Variants in MTR observed in about 807,000 individuals in gnomAD.
The protein encoded by MTR is methionine synthase.
A neutral mutation model predicts 154.8 loss-of-function variants in MTR; 84 were observed. The ratio of observed to expected loss-of-function variants is 0.54; its 90% CI spans 0.45 to 0.65. MTR has a LOEUF of 0.65. Among genes scored for constraint, MTR ranks in the 30% least tolerant of loss-of-function variants. The probability of loss-of-function intolerance (pLI) is 0.00; values close to 1 mark genes in which losing one functional copy is unlikely to be tolerated. For missense variants in MTR, 1,275 were observed against 1,570.2 expected (o/e 0.81, Z 3.18); for synonymous variants, 554 against 553.9 (o/e 1.00, Z 0.00).
intron 8 of MTR, among the ~76,000 whole-genome samples, chr1:236,817,775 G>A (rs1052639915): frequency 6.6e-6 from 1 of 152,066 alleles, no homozygotes; most frequent in Non-Finnish European, 1.5e-5. Flanking sequence ...ATGTCATATT[G>A]TGATTTCTTA....
At chr1:236,843,086 CAAAA>C (rs563953592) in intron 15 of MTR, among the ~76,000 whole-genome samples, 5 of 74,554 alleles carry the variant, frequency 6.7e-5, no homozygotes, top group African/African-American at 1.8e-4. Flanking sequence ...ACTCTGTCTC[CAAAA>C]AAAAAAAAAA....
At chr1:236,831,139 G>C (rs940985352) in intron 12 of MTR, among the ~76,000 whole-genome samples, 1 of 152,168 alleles carries the variant, frequency 6.6e-6, no homozygotes, top group Non-Finnish European at 1.5e-5. Flanking sequence ...ACCCAAGGCC[G>C]TCTGTACCCA....
Position 236,903,285 on chromosome 1 carries a change from T to C in MTR, c.*5641T>C. 6.6e-6 allele frequency: 1 copy of C among 152,352 alleles called. No individual in the cohort carries two copies. Among genetic ancestry groups the C allele is most frequent in the East Asian group, 1.9e-4 (1 of 5,190 alleles). 9.4% of individuals were successfully genotyped at this position (152,352 alleles called of 1,614,324 possible). ...TCAAATTTTTACAAGTGTATGTTAT[T>C]GTACTTTTAAAAAGATTAGCTTGGC... On this transcript the variant is annotated 3_prime_UTR_variant, in exon 33 of 33. Coordinates refer to ENST00000366577, the MANE Select transcript of MTR (RefSeq NM_000254.3).
At position 236,818,889 on chromosome 1, in the gene MTR, A is replaced by G. The variant is rs149159753; in HGVS notation, c.764+2346A>G. On this transcript the variant is annotated intron_variant, in intron 8 of 32. Coordinates refer to ENST00000366577, the MANE Select transcript of MTR (RefSeq NM_000254.3). ...ATTAAAATATAAAATACACAGTGCT[A>G]TACAGAACTATGAATAAAAATCTGG... is the stretch of plus-strand genomic sequence containing the variant. Among the ~76,000 whole-genome samples the G allele has an allele frequency of 5.7e-3, 864 of 152,376 alleles. 11 individuals are homozygous for G. The highest frequency in any genetic ancestry group is 0.019 in the African/African-American group (810 of 41,586).
intron 15 of MTR, 90 bp downstream of exon 15, chr1:236,838,689 C>A: frequency 7.7e-7 from 1 of 1,292,742 alleles, no homozygotes; most frequent in Non-Finnish European, 1.1e-6. Context: ...TACATATATA[C>A]ATACACATAT....
chr1:236,838,405 T>C lies in MTR; in HGVS notation c.1330-9T>C. On this transcript the variant is annotated splice_polypyrimidine_tract_variant and intron_variant, in intron 14 of 32. Coordinates refer to ENST00000366577, the MANE Select transcript of MTR (RefSeq NM_000254.3). ...CCTCTGTGTGATTTTCTTGCCTTTC[T>C]GATCTCAGGTACCTTTGTGCATCGA... 6.2e-7 allele frequency: 1 copy of C among 1,614,146 alleles called. No homozygotes were observed. Among genetic ancestry groups the C allele is most frequent in the Non-Finnish European group, 8.5e-7 (1 of 1,179,978 alleles).
chr1:236,890,842 GA>G (rs1666278017), intron 28 of MTR, among the ~76,000 whole-genome samples: 1 of 152,220 alleles, frequency 6.6e-6, no homozygotes, highest in Non-Finnish European at 1.5e-5. Context: ...CTCTCTGACA[GA>G]ATGCTTTGGG....
At position 236,795,677 on chromosome 1, in the gene MTR, C is replaced by T. The variant is rs753821234; in HGVS notation, c.-27C>T. ...GAGAGCACGTCTTCTCTGCCGCGCC[C>T]TCTGCGCAAGGAGGAGACTCGACAA... is the stretch of plus-strand genomic sequence containing the variant. On this transcript the variant is annotated 5_prime_UTR_variant, in exon 1 of 33. Transcript: ENST00000366577. The T allele has an allele frequency of 5.0e-6, 8 of 1,613,918 alleles. No individual in the cohort carries two copies. In the South Asian group the frequency reaches 8.8e-5, roughly 18 times the overall value.
chr1:236,818,530 A>C (rs1398343486), intron 8 of MTR, among the ~76,000 whole-genome samples: 1 of 152,216 alleles, frequency 6.6e-6, no homozygotes, highest in African/African-American at 2.4e-5. Context: ...TGATCCACTC[A>C]GTGGTTAATT....
intron 23 of MTR, 119 bp from the exon 24 acceptor site, chr1:236,874,607 T>G: frequency 9.3e-6 from 7 of 755,592 alleles, no homozygotes; most frequent in East Asian, 2.9e-5. Flanking sequence ...TGGGAATTCA[T>G]GTTAGGTCTT....
At chr1:236,866,042 A>G (rs1333701957) in intron 22 of MTR, among the ~76,000 whole-genome samples, 1 of 151,840 alleles carries the variant, frequency 6.6e-6, no homozygotes, top group Non-Finnish European at 1.5e-5. Flanking sequence ...ACTTTACAAT[A>G]TTTTTTTTGA....
In MTR at chr1:236,823,741, T is replaced by C. The variant is rs184115794; in HGVS notation, c.765-378T>C. ...GCTTCTTGCCACCATTCTGTGTTCT[T>C]TCTGCCTCCAAGATTTCCTTTTCCT... is the stretch of plus-strand genomic sequence containing the variant. On this transcript the variant is annotated intron_variant, in intron 8 of 32. Coordinates refer to ENST00000366577, the MANE Select transcript of MTR (RefSeq NM_000254.3). Among the ~76,000 whole-genome samples, 570 of 149,670 alleles carry C rather than the reference T, an allele frequency of 3.8e-3. 3 individuals carry two copies. The highest frequency in any genetic ancestry group is 7.1e-3 in the Non-Finnish European group (476 of 67,448).
In MTR at chr1:236,795,674, G is replaced by A. The variant is rs1318292322; in HGVS notation, c.-30G>A. On this transcript the variant is annotated 5_prime_UTR_variant, in exon 1 of 33. Transcript: ENST00000366577. ...GTGGAGAGCACGTCTTCTCTGCCGC[G>A]CCCTCTGCGCAAGGAGGAGACTCGA... 5.0e-6 allele frequency: 8 copies of A among 1,613,634 alleles called. No homozygotes were observed. In the Admixed American group the frequency reaches 6.7e-5, roughly 13 times the overall value.
Position 236,803,460 on chromosome 1 carries a change from A to G in MTR, c.67A>G (p.Asn23Asp), listed in dbSNP as rs752855469. ...GLKKTLRDEI[N>D]AILQKRIMVL... ...GAAGAAAACCCTGCGGGATGAGATC[A>G]ATGCCATTCTGCAGAAGAGGATTAT... The change falls in exon 2 of 33, where the codon AAT (asparagine) becomes GAT (aspartate). Residue 23 changes from asparagine (N) to aspartate (D), a missense_variant. Physicochemically the swap from Asn to Asp is conservative, Grantham distance 23. Transcript: ENST00000366577. 1.9e-6 allele frequency: 3 copies of G among 1,614,178 alleles called. No individual in the cohort carries two copies. Among genetic ancestry groups the G allele is most frequent in the Admixed American group, 1.7e-5 (1 of 60,008 alleles).
At chr1:236,808,529 T>C (rs1661116640) in intron 3 of MTR, among the ~76,000 whole-genome samples, 175 bp from the exon 4 acceptor site, 1 of 152,270 alleles carries the variant, frequency 6.6e-6, no homozygotes, top group South Asian at 2.1e-4. Flanking sequence ...CTTTCCTTGC[T>C]GCCTTTCAAG....
chr1:236,812,180 A>G (rs1488508488), intron 5 of MTR, among the ~76,000 whole-genome samples: 1 of 152,242 alleles, frequency 6.6e-6, no homozygotes, highest in Non-Finnish European at 1.5e-5. Flanking sequence ...GGCCAACCCA[A>G]GACATTTCTA....
At chr1:236,844,453 CGTGTGTGTGT>C (rs58179715) in intron 15 of MTR, among the ~76,000 whole-genome samples, 2,916 of 145,422 alleles carry the variant, frequency 0.02, 43 homozygotes, top group South Asian at 0.039. Flanking sequence ...TCAGAAAGGG[CGTGTGTGTGT>C]GTGTGTGTGT....
At chr1:236,890,213 CGTG>C (rs1666240922) in intron 28 of MTR, among the ~76,000 whole-genome samples, 1 of 152,096 alleles carries the variant, frequency 6.6e-6, no homozygotes, top group African/African-American at 2.4e-5. Context: ...TAGTCAGGAA[CGTG>C]GTGATGAGCA....
chr1:236,832,319 A>G (rs1294858605), intron 13 of MTR, among the ~76,000 whole-genome samples: 2 of 152,210 alleles, frequency 1.3e-5, no homozygotes, highest in Admixed American at 6.5e-5. Flanking sequence ...GTAGGATGAG[A>G]TGGGAGGGAT....
Sources: allele counts gnomAD v4.1 joint callset (sites outside exome capture counted in the v4.1 genomes callset), GRCh38; gene constraint gnomAD v4.1.1; transcripts MANE v1.5; gene names NCBI Gene and HGNC (gene_info 2026-07-23, HGNC 2026-07-21).